The following PDE1C variants were observed in gnomAD, a reference collection of about 807,000 sequenced individuals.
PDE1C encodes phosphodiesterase 1C.
PDE1C carries 62 observed loss-of-function variants against 93.1 expected under a neutral mutation model. The observed-to-expected ratio is 0.67, with a 90% CI of 0.54 to 0.82. The LOEUF is 0.82. PDE1C is among the 40% of genes least tolerant of loss of function. The pLI is 0.00. For synonymous variants in PDE1C, 325 were observed against 310.1 expected, an observed-to-expected ratio of 1.05 and a Z score of -0.50; for missense variants, 742 against 884.6, an observed-to-expected ratio of 0.84 and a Z score of 2.04.
At chr7:31,813,255 T>C (rs1787769179) in intron 15 of PDE1C, among the ~76,000 whole-genome samples, 2 of 152,094 alleles carry the variant, frequency 1.3e-5, no homozygotes, top group South Asian at 2.1e-4. Context: ...GGGTTGAGCA[T>C]GCACAGCCCG....
At chr7:31,684,571 G>A in the PDE1C span, among the ~76,000 whole-genome samples, 1 of 151,946 alleles carries the variant, frequency 6.6e-6, no homozygotes, top group African/African-American at 2.4e-5. Context: ...AAACTCAACA[G>A]TAATATAAAA....
chr7:31,631,580 T>C, the PDE1C span, among the ~76,000 whole-genome samples: 2 of 152,318 alleles, frequency 1.3e-5, no homozygotes, highest in East Asian at 3.9e-4. Context: ...AAAGATAAGT[T>C]AATTTTACAG....
chr7:31,987,949 C>T lies in PDE1C; in HGVS notation c.128+63605G>A, dbSNP rs61112693. 3.1e-3 allele frequency among the ~76,000 whole-genome samples: 478 copies of T among 152,300 alleles called. 3 individuals carry two copies. The highest frequency in any genetic ancestry group is 0.011 in the African/African-American group (459 of 41,544). On this transcript the variant is annotated intron_variant, in intron 2 of 17. Transcript: ENST00000396191. ...CTGGGGGTGACTGTGGATGGGCCAT[C>T]GCTGGCTCTCTGGCCCTCTGGCTTC...
chr7:31,635,621 T>C, the PDE1C span, among the ~76,000 whole-genome samples: 1 of 152,334 alleles, frequency 6.6e-6, no homozygotes, highest in Admixed American at 6.5e-5. Flanking sequence ...TTAGGGACCC[T>C]TTGTAGTTGT....
intron 1 of PDE1C, among the ~76,000 whole-genome samples, chr7:32,371,000 CAAA>C (rs548885265): frequency 1.5e-5 from 2 of 133,512 alleles, no homozygotes. Context: ...ATATGGAAGT[CAAA>C]AAAAAAAAAA....
chr7:31,967,212 G>T (rs944852891), intron 2 of PDE1C, among the ~76,000 whole-genome samples: 3 of 152,126 alleles, frequency 2.0e-5, no homozygotes, highest in African/African-American at 7.2e-5. Flanking sequence ...TAGACCGCTA[G>T]CAAGACTAAT....
chr7:31,789,646 T>C (rs1462721120), intron 16 of PDE1C: 16 of 968,958 alleles, frequency 1.7e-5, no homozygotes, highest in Non-Finnish European at 1.8e-5. Context: ...ATTACAGAAG[T>C]GGGAAAAAAA....
intron 2 of PDE1C, among the ~76,000 whole-genome samples, chr7:32,041,266 A>G (rs1791773409): frequency 6.6e-6 from 1 of 152,210 alleles, no homozygotes; most frequent in African/African-American, 2.4e-5. Flanking sequence ...GACAGGACTC[A>G]GATTTTAACC....
intron 2 of PDE1C, among the ~76,000 whole-genome samples, chr7:31,893,142 G>A (rs1798850323): frequency 1.3e-5 from 2 of 152,204 alleles, no homozygotes; most frequent in Non-Finnish European, 2.9e-5. Flanking sequence ...CTAAGGGAGT[G>A]AGGGAGTGAG....
intron 3 of PDE1C, among the ~76,000 whole-genome samples, chr7:32,103,528 T>C (rs1333042419): frequency 3.3e-5 from 5 of 152,058 alleles, no homozygotes; most frequent in Non-Finnish European, 7.4e-5. Context: ...CTAGAGAAAA[T>C]AACACAATGT....
At chr7:31,661,308 A>G in the PDE1C span, among the ~76,000 whole-genome samples, 1 of 152,238 alleles carries the variant, frequency 6.6e-6, no homozygotes, top group African/African-American at 2.4e-5. Context: ...GATATAATAA[A>G]GAAAATGTTA....
chr7:32,266,877 C>G (rs1036855349), intron 1 of PDE1C, among the ~76,000 whole-genome samples: 2 of 128,664 alleles, frequency 1.6e-5, no homozygotes, highest in South Asian at 4.8e-4. Context: ...GATTTCAGAG[C>G]TGCAATGCCT....
chr7:32,232,419 T>C (rs1011618248), intron 1 of PDE1C, among the ~76,000 whole-genome samples: 3 of 152,230 alleles, frequency 2.0e-5, no homozygotes, highest in African/African-American at 7.2e-5. Context: ...TCTTCCTCTC[T>C]GACCAGAGAA....
At chr7:32,397,286 AT>A (rs1207461454) in intron 1 of PDE1C, among the ~76,000 whole-genome samples, 1 of 152,224 alleles carries the variant, frequency 6.6e-6, no homozygotes, top group Non-Finnish European at 1.5e-5. Context: ...CCAGAAAAAA[AT>A]AAGTAAAAGA....
At position 32,269,773 on chromosome 7, in the gene PDE1C, C is replaced by T. The variant is rs143380896; in HGVS notation, c.85+28878G>A. On this transcript the variant is annotated intron_variant, in intron 1 of 18. Transcript: ENST00000396193. ...GATTACAGGCATGAGCCACCGTGCCCGGCCTGTTTGTTTTTTAAGAGACAG... is the reference window on the plus strand; with the variant it reads ...GATTACAGGCATGAGCCACCGTGCCTGGCCTGTTTGTTTTTTAAGAGACAG... 6.3e-3 allele frequency among the ~76,000 whole-genome samples: 957 copies of T among 151,478 alleles called. 6 individuals carry two copies. Among genetic ancestry groups the T allele is most frequent in the African/African-American group, 0.022 (916 of 41,302 alleles).
At chr7:31,617,460 TG>T in the PDE1C span, among the ~76,000 whole-genome samples, 1 of 151,078 alleles carries the variant, frequency 6.6e-6, no homozygotes, top group Non-Finnish European at 1.5e-5. Flanking sequence ...TAAAAGAAAA[TG>T]TGAATTAGTA....
downstream of PDE1C, among the ~76,000 whole-genome samples, chr7:31,750,964 T>C (rs1257861492): frequency 6.6e-6 from 1 of 152,222 alleles, no homozygotes; most frequent in East Asian, 1.9e-4. Context: ...CTAAACTCTA[T>C]TATGGGTTAT....
intron 1 of PDE1C, among the ~76,000 whole-genome samples, chr7:32,416,127 G>C (rs1364443484): frequency 6.6e-6 from 1 of 152,222 alleles, no homozygotes; most frequent in African/African-American, 2.4e-5. Flanking sequence ...AGTTGGTCAT[G>C]AGCTCATGGA....
At chr7:32,262,177 A>G (rs571930741) in intron 1 of PDE1C, among the ~76,000 whole-genome samples, 3 of 152,224 alleles carry the variant, frequency 2.0e-5, no homozygotes, top group Admixed American at 6.5e-5. Flanking sequence ...ATGAAAAGCT[A>G]TATGCCAGAA....
Sources: gnomAD v4.1 joint callset for allele counts (sites outside exome capture counted in the v4.1 genomes callset) on GRCh38, gnomAD v4.1.1 for gene constraint, MANE v1.5 for transcripts, NCBI Gene and HGNC (gene_info 2026-07-23, HGNC 2026-07-21) for gene names.